CLTB: variants seen among roughly 807,000 people sequenced by gnomAD.
CLTB encodes the protein clathrin light chain B, also known as clathrin, light chain (Lcb).
A neutral mutation model predicts 30.5 loss-of-function variants in CLTB; 10 were observed. The ratio of observed to expected loss-of-function variants is 0.33; its 90% CI spans 0.20 to 0.56. The LOEUF is 0.56. CLTB is among the 20% of genes least tolerant of loss of function. CLTB has a pLI of 0.91. For synonymous variants in CLTB, 102 were observed against 120.3 expected (o/e 0.85, Z 1.00); for missense variants, 261 against 308.3 (o/e 0.85, Z 1.15).
At chr5:176,398,331 C>T (rs1756652665) in intron 2 of CLTB, among the ~76,000 whole-genome samples, 1 of 152,178 alleles carries the variant, frequency 6.6e-6, no homozygotes, top group South Asian at 2.1e-4. Flanking sequence ...CTCAAGAAAG[C>T]GTGTGCCAGC....
intron 2 of CLTB, among the ~76,000 whole-genome samples, chr5:176,400,710 CCTT>C (rs1182784838): frequency 6.6e-6 from 1 of 152,218 alleles, no homozygotes; most frequent in East Asian, 1.9e-4. Flanking sequence ...CCTCCCTCCT[CCTT>C]CAAGCACTTA....
intron 2 of CLTB, among the ~76,000 whole-genome samples, chr5:176,408,442 A>G (rs1287190459): frequency 6.6e-6 from 1 of 151,860 alleles, no homozygotes; most frequent in Non-Finnish European, 1.5e-5. Flanking sequence ...AGGCTGAGGC[A>G]GGAGAATCAC....
chr5:176,409,839 C>T (rs1275214345), intron 2 of CLTB, among the ~76,000 whole-genome samples: 1 of 152,226 alleles, frequency 6.6e-6, no homozygotes, highest in Non-Finnish European at 1.5e-5. Context: ...TCTGGGTGGC[C>T]TTGTCCAATT....
intron 2 of CLTB, among the ~76,000 whole-genome samples, chr5:176,404,088 A>G (rs1756977016): frequency 6.6e-6 from 1 of 152,000 alleles, no homozygotes; most frequent in African/African-American, 2.4e-5. Context: ...AGGTAGGTAA[A>G]CTCTATCTCC....
At position 176,416,189 on chromosome 5, in the gene CLTB, G is replaced by T; in HGVS notation, c.175C>A (p.Pro59Thr). 2 of 1,583,790 alleles carry T rather than the reference G, an allele frequency of 1.3e-6. No homozygotes were observed. Among genetic ancestry groups the T allele is most frequent in the Non-Finnish European group, 1.7e-6 (2 of 1,169,248 alleles). Residue 59 changes from proline to threonine, a missense_variant, in exon 1 of 6, where the codon CCC becomes ACC. Pro to Thr is a conservative substitution (Grantham distance 38). Around this residue, in one of 3 missense-constraint regions of CLTB, gnomAD observed 113 missense variants for 102.5 expected, o/e 1.10. Coordinates refer to ENST00000310418, the MANE Select transcript of CLTB (RefSeq NM_007097.5). The stretch of plus-strand genomic sequence containing the variant: ...CGCGCTGACTCACCCCCACTCGTGG[G>T]GCCCGGCTGCGCGGGGGCCGCATGG... Reference protein sequence around the residue: ...GSHAAPAQPGPTSGAGSEDMG... With the variant: ...GSHAAPAQPGTTSGAGSEDMG...
At chr5:176,412,006 C>T (rs1396278745) in intron 1 of CLTB, among the ~76,000 whole-genome samples, 2 of 151,994 alleles carry the variant, frequency 1.3e-5, no homozygotes, top group Non-Finnish European at 2.9e-5. Context: ...GAAACCCCGT[C>T]TCTACTAAAA....
At chr5:176,406,916 G>A (rs75033944) in intron 2 of CLTB, among the ~76,000 whole-genome samples, 4 of 152,304 alleles carry the variant, frequency 2.6e-5, no homozygotes, top group African/African-American at 9.6e-5. Context: ...AAAGCACACC[G>A]GGTCGGAGCC....
intron 5 of CLTB, 51 bp downstream of exon 5, chr5:176,396,428 T>C (rs552862988): frequency 6.8e-7 from 1 of 1,463,454 alleles, no homozygotes; most frequent in African/African-American, 1.4e-5. Context: ...GAAACTGTGG[T>C]GGCCATTCCC....
In CLTB at chr5:176,393,819, G is replaced by T. The variant is rs988924887; in HGVS notation, c.519-874C>A. The stretch of plus-strand genomic sequence containing the variant: ...ACAGTCTAGTGGACAAAATCTACAC[G>T]TGGGACTCACTAACAGAAAGACAAT... On this transcript the variant is annotated intron_variant, in intron 5 of 5. Transcript: ENST00000310418. The surrounding 1 kb of genome is among the most constrained non-coding windows in gnomAD (Gnocchi z 4.4). Among the ~76,000 whole-genome samples the T allele has an allele frequency of 6.6e-6, 1 of 152,220 alleles. No individual in the cohort carries two copies. The highest frequency in any genetic ancestry group is 1.5e-5 in the Non-Finnish European group (1 of 68,044).
chr5:176,394,364 T>C (rs1756393207), intron 5 of CLTB, among the ~76,000 whole-genome samples: 1 of 152,196 alleles, frequency 6.6e-6, no homozygotes, highest in Non-Finnish European at 1.5e-5. Flanking sequence ...GACCCCCTGG[T>C]AATTCATAGG....
chr5:176,415,684 G>A (rs931547833), intron 1 of CLTB, among the ~76,000 whole-genome samples: 5 of 152,196 alleles, frequency 3.3e-5, no homozygotes, highest in Non-Finnish European at 5.9e-5. Context: ...TAACCAAGGC[G>A]CTTAGCCCAG....
chr5:176,405,939 T>C (rs1757096588), intron 2 of CLTB: 3 of 154,988 alleles, frequency 1.9e-5, no homozygotes, highest in South Asian at 4.1e-4. Context: ...ATGGCTGCTG[T>C]GGCCTGCTGT....
chr5:176,406,015 G>GCT, intron 2 of CLTB: 1 of 369,790 alleles, frequency 2.7e-6, no homozygotes, highest in South Asian at 1.1e-4. Context: ...GCACAGTGGT[G>GCT]CTGCTGGCAG....
intron 4 of CLTB, among the ~76,000 whole-genome samples, chr5:176,397,241 G>T (rs1756567149): frequency 6.6e-6 from 1 of 152,058 alleles, no homozygotes; most frequent in Non-Finnish European, 1.5e-5. Context: ...GGAAGACCTT[G>T]TACCGTGAAG....
At chr5:176,397,824 C>A in intron 3 of CLTB, 106 bp from the exon 4 acceptor site, 1 of 1,481,974 alleles carries the variant, frequency 6.7e-7, no homozygotes, top group Non-Finnish European at 9.4e-7. Context: ...CCGCACCGGC[C>A]CAGTCCCACA....
chr5:176,406,090 CCT>C (rs1757108714), intron 2 of CLTB: 9 of 937,128 alleles, frequency 9.6e-6, no homozygotes, highest in Non-Finnish European at 1.1e-5. Flanking sequence ...TTTTCCTGCC[CCT>C]GTCCCCACCC....
Position 176,416,298 on chromosome 5 carries a change from G to GTCC in CLTB, c.63_65dup (p.Glu21dup), listed in dbSNP as rs764899670. 9.3e-6 allele frequency: 15 copies of GTCC among 1,605,292 alleles called. No individual in the cohort carries two copies. The highest frequency in any genetic ancestry group is 2.7e-5 in the African/African-American group (2 of 73,240). ...GCTGGGCCAGGAAGGCGGCCGCCGGGTCCTCCTCCGCCGCCTCCGGGGCAC... is the reference window on the plus strand; with the variant it reads ...GCTGGGCCAGGAAGGCGGCCGCCGGGTCCTCCTCCTCCGCCGCCTCCGGGGCAC... On this transcript the variant is annotated inframe_insertion, in exon 1 of 6. Coordinates refer to ENST00000310418, the MANE Select transcript of CLTB (RefSeq NM_007097.5).
intron 2 of CLTB, among the ~76,000 whole-genome samples, chr5:176,399,747 T>TA (rs1489144108): frequency 6.7e-6 from 1 of 148,634 alleles, no homozygotes; most frequent in African/African-American, 2.5e-5. Flanking sequence ...TACAAAAAAT[T>TA]AGCCAGGTGT....
chr5:176,394,398 G>T (rs528480357), intron 5 of CLTB, among the ~76,000 whole-genome samples: 22 of 152,262 alleles, frequency 1.4e-4, no homozygotes, highest in African/African-American at 5.3e-4. Context: ...GAGCCTGGGC[G>T]CAGTGGCTCA....
Sources: gnomAD v4.1 joint callset for allele counts (sites outside exome capture counted in the v4.1 genomes callset) on GRCh38, gnomAD v4.1.1 for gene constraint, gnomAD v4.1.1 regional missense constraint, Gnocchi (gnomAD v3.1) non-coding constraint, MANE v1.5 for transcripts, NCBI Gene and HGNC (gene_info 2026-07-23, HGNC 2026-07-21) for gene names.